SORCS3: variants seen among roughly 807,000 people sequenced by gnomAD.
SORCS3 encodes the protein VPS10 domain-containing receptor SorCS3.
In SORCS3, 57 loss-of-function variants were observed where a neutral mutation model predicts 146.3. The ratio of observed to expected loss-of-function variants is 0.39; its 90% CI spans 0.31 to 0.49. The LOEUF is 0.49. Ranked by LOEUF, SORCS3 falls within the 20% of genes least tolerant of loss-of-function variation. The pLI is 0.92. For missense variants in SORCS3, 1,341 were observed against 1,575.5 expected, an observed-to-expected ratio of 0.85 and a Z score of 2.52; for synonymous variants, 653 against 618.5, an observed-to-expected ratio of 1.06 and a Z score of -0.83.
At chr10:105,155,964 A>G (rs1204240791) in intron 9 of SORCS3, among the ~76,000 whole-genome samples, 1 of 152,220 alleles carries the variant, frequency 6.6e-6, no homozygotes, top group Non-Finnish European at 1.5e-5. Context: ...AAAGAAGAGA[A>G]GACTTTTTAT....
intron 3 of SORCS3, among the ~76,000 whole-genome samples, chr10:104,940,594 T>C (rs907456006): frequency 2.6e-5 from 4 of 151,986 alleles, no homozygotes; most frequent in African/African-American, 7.2e-5. Context: ...TATGGCTGCA[T>C]AGTATTCCAT....
intron 1 of SORCS3, 58 bp downstream of exon 1, chr10:104,642,012 GGGT>G: frequency 7.1e-7 from 1 of 1,417,296 alleles, no homozygotes; most frequent in African/African-American, 1.4e-5. Flanking sequence ...GGGAATGGGG[GGGT>G]GGGTGGGAGC....
intron 1 of SORCS3, among the ~76,000 whole-genome samples, chr10:104,816,011 GA>G (rs1354793633): frequency 6.6e-6 from 1 of 152,148 alleles, no homozygotes; most frequent in African/African-American, 2.4e-5. Flanking sequence ...TTCTCCCTGT[GA>G]GGGATAGCAC....
In SORCS3 at chr10:105,109,726, C is replaced by T. The variant is rs114832826; in HGVS notation, c.1212+4211C>T. 8.2e-3 allele frequency among the ~76,000 whole-genome samples: 1,239 copies of T among 151,738 alleles called. 20 individuals carry two copies. The highest frequency in any genetic ancestry group is 0.028 in the African/African-American group (1,178 of 41,414). ...GTTGTTTTATTTTGTTTTTTAACTTCAATACTTAAAGCCTTTAAAAAATAT... is the reference window on the plus strand; with the variant it reads ...GTTGTTTTATTTTGTTTTTTAACTTTAATACTTAAAGCCTTTAAAAAATAT... On this transcript the variant is annotated intron_variant, in intron 7 of 26. Coordinates refer to ENST00000369701, the MANE Select transcript of SORCS3 (RefSeq NM_014978.3).
chr10:104,971,515 G>A (rs2054860421), intron 3 of SORCS3, among the ~76,000 whole-genome samples: 1 of 151,982 alleles, frequency 6.6e-6, no homozygotes, highest in Non-Finnish European at 1.5e-5. Flanking sequence ...GTATACCAGA[G>A]AAGCAGTAGG....
At chr10:104,838,789 C>T (rs953101737) in intron 1 of SORCS3, among the ~76,000 whole-genome samples, 3 of 152,110 alleles carry the variant, frequency 2.0e-5, no homozygotes, top group Non-Finnish European at 4.4e-5. Flanking sequence ...AAATGTGGTC[C>T]TCTGGTTGCC....
rs1374729538 is a variant in SORCS3, at chr10:105,020,132, T to A, written c.955-22923T>A. The stretch of plus-strand genomic sequence containing the variant: ...CTCTCTAGGAAATCCACTGTCTCAT[T>A]TCCAAGACCTAGTGGCCGTGGTCTT... On this transcript the variant is annotated intron_variant, in intron 4 of 26. Coordinates refer to ENST00000369701, the MANE Select transcript of SORCS3 (RefSeq NM_014978.3). 3.9e-5 allele frequency among the ~76,000 whole-genome samples: 6 copies of A among 152,196 alleles called. No individual in the cohort carries two copies. The East Asian group carries it at 1.2e-3, about 29-fold the overall frequency.
chr10:105,041,426 T>C (rs11192293), intron 4 of SORCS3, among the ~76,000 whole-genome samples: 20 of 143,578 alleles, frequency 1.4e-4, no homozygotes, highest in South Asian at 2.1e-4. Context: ...TATATATATA[T>C]ACACACACAT....
intron 22 of SORCS3, 43 bp from the exon 23 acceptor site, chr10:105,252,732 G>T (rs2056908238): frequency 1.9e-6 from 3 of 1,611,740 alleles, no homozygotes; most frequent in Non-Finnish European, 2.5e-6. Context: ...TTTGGGGAGG[G>T]CTGGCTCCTC....
chr10:105,260,083 T>C (rs565471226), intron 25 of SORCS3, among the ~76,000 whole-genome samples: 9 of 152,332 alleles, frequency 5.9e-5, no homozygotes, highest in Middle Eastern at 3.4e-3. Context: ...ATTTATTCTC[T>C]TCCAACCATC....
chr10:104,651,717 A>G (rs1445615479), intron 1 of SORCS3, among the ~76,000 whole-genome samples: 1 of 152,046 alleles, frequency 6.6e-6, no homozygotes, highest in Non-Finnish European at 1.5e-5. Context: ...CAAAAAAAAA[A>G]AGAATGTTAA....
intron 1 of SORCS3, among the ~76,000 whole-genome samples, chr10:104,772,620 C>A (rs2017264925): frequency 1.3e-5 from 2 of 152,146 alleles, no homozygotes; most frequent in South Asian, 4.1e-4. Context: ...TTGCATTCAC[C>A]CTCTGTTCTT....
intron 2 of SORCS3, among the ~76,000 whole-genome samples, chr10:104,913,697 TAGG>T (rs1482093035): frequency 2.0e-5 from 3 of 152,174 alleles, no homozygotes; most frequent in East Asian, 1.9e-4. Flanking sequence ...TGCATTCTGT[TAGG>T]AGGTTTCCCA....
At chr10:104,976,944 G>A (rs957138971) in intron 3 of SORCS3, among the ~76,000 whole-genome samples, 2 of 151,986 alleles carry the variant, frequency 1.3e-5, no homozygotes, top group African/African-American at 4.8e-5. Flanking sequence ...AGCATTAGGA[G>A]ATATATCTAA....
chr10:104,678,448 T>C (rs1348278946), intron 1 of SORCS3, among the ~76,000 whole-genome samples: 3 of 152,230 alleles, frequency 2.0e-5, no homozygotes, highest in Non-Finnish European at 4.4e-5. Context: ...CTGAGTCTGG[T>C]AACCAAATCC....
intron 1 of SORCS3, among the ~76,000 whole-genome samples, chr10:104,762,485 C>G (rs1183092303): frequency 1.3e-5 from 2 of 152,164 alleles, no homozygotes; most frequent in Non-Finnish European, 1.5e-5. Flanking sequence ...TCTTTCTTAT[C>G]TCTTCAACCA....
chr10:105,223,891 G>A (rs1261650699), intron 20 of SORCS3, among the ~76,000 whole-genome samples: 1 of 152,186 alleles, frequency 6.6e-6, no homozygotes. Flanking sequence ...TTCCTCAGAG[G>A]TAATGTTCTT....
At chr10:104,779,054 A>T (rs2017343754) in intron 1 of SORCS3, among the ~76,000 whole-genome samples, 1 of 152,222 alleles carries the variant, frequency 6.6e-6, no homozygotes, top group Non-Finnish European at 1.5e-5. Flanking sequence ...CAGAAGATTT[A>T]ACAATGGAAG....
intron 16 of SORCS3, among the ~76,000 whole-genome samples, chr10:105,203,836 A>T (rs2056587346): frequency 6.6e-6 from 1 of 152,222 alleles, no homozygotes; most frequent in Non-Finnish European, 1.5e-5. Flanking sequence ...GAAATACAAC[A>T]TAGGCTAGCT....
Sources: allele counts gnomAD v4.1 joint callset (sites outside exome capture counted in the v4.1 genomes callset), GRCh38; gene constraint gnomAD v4.1.1; transcripts MANE v1.5; gene names NCBI Gene and HGNC (gene_info 2026-07-23, HGNC 2026-07-21).